Variants in RANBP17 observed in about 807,000 individuals in gnomAD.
The protein encoded by RANBP17 is RAN binding protein 17.
RANBP17 carries 158 observed loss-of-function variants against 141.2 expected under a neutral mutation model. The ratio of observed to expected loss-of-function variants is 1.12; its 90% CI spans 0.98 to 1.28. The LOEUF (loss-of-function observed/expected upper bound fraction) is 1.28, where lower values mean the gene tolerates loss of function less well. Ranked by LOEUF, RANBP17 falls within the 50% of genes most tolerant of loss-of-function variation. The probability of loss-of-function intolerance (pLI) is 0.00; values close to 1 mark genes in which losing one functional copy is unlikely to be tolerated. For missense variants in RANBP17, 1,438 were observed against 1,290.7 expected, an observed-to-expected ratio of 1.11 and a Z score of -1.75; for synonymous variants, 430 against 450.0, an observed-to-expected ratio of 0.96 and a Z score of 0.56.
At chr5:170,939,539 G>A (rs896409199) in intron 12 of RANBP17, among the ~76,000 whole-genome samples, 8 of 151,958 alleles carry the variant, frequency 5.3e-5, no homozygotes, top group African/African-American at 1.9e-4. Flanking sequence ...CATGCACCAT[G>A]CCGGGCTAAA....
At chr5:170,874,801 T>C (rs1178069852) in intron 1 of RANBP17, among the ~76,000 whole-genome samples, 1 of 152,154 alleles carries the variant, frequency 6.6e-6, no homozygotes. Context: ...TCTGTGTCTT[T>C]TTATTGGGGC....
chr5:171,054,348 T>C (rs1783200176), intron 14 of RANBP17, among the ~76,000 whole-genome samples: 1 of 152,160 alleles, frequency 6.6e-6, no homozygotes, highest in Non-Finnish European at 1.5e-5. Flanking sequence ...TATTATATGC[T>C]AAACAAGGGA....
intron 3 of RANBP17, among the ~76,000 whole-genome samples, chr5:170,885,716 G>T (rs1473260658): frequency 6.6e-6 from 1 of 152,076 alleles, no homozygotes; most frequent in Non-Finnish European, 1.5e-5. Context: ...AATAAGTGTT[G>T]TTTTGTCCTC....
At position 171,199,670 on chromosome 5, in the gene RANBP17, G is replaced by A; in HGVS notation, c.2039G>A (p.Gly680Asp). 1 of 1,596,838 alleles carries A rather than the reference G, an allele frequency of 6.3e-7. No individual in the cohort carries two copies. Among genetic ancestry groups the A allele is most frequent in the Non-Finnish European group, 8.6e-7 (1 of 1,166,020 alleles). ...AGTGACCCTTTTGTTTCTCTGATAG[G>A]TGAAGATGAGGATGAATTTGAGAAT... Reference protein sequence around the residue: ...ALTRLLMVDLGEDEDEFENFM... With the variant: ...ALTRLLMVDLDEDEDEFENFM... The change falls in exon 19 of 28, where the codon GGT becomes GAT. Residue 680 changes from glycine (G) to aspartate (D), a missense_variant and splice_region_variant. Gly to Asp is a moderately conservative substitution (Grantham distance 94, BLOSUM62 -1). Coordinates refer to ENST00000523189, the MANE Select transcript of RANBP17 (RefSeq NM_022897.5).
Position 171,293,898 on chromosome 5 carries a change from A to C in RANBP17, c.2959A>C (p.Met987Leu), listed in dbSNP as rs1253587684. The part of the protein sequence containing the change: ...DVLQQMMSVL[M>L]NTIVFEDCRN... ...TATCTTCTAGATGATGTCTGTCCTCATGAACACCATTGTCTTTGAAGACTG... is the reference window on the plus strand; with the variant it reads ...TATCTTCTAGATGATGTCTGTCCTCCTGAACACCATTGTCTTTGAAGACTG... The change falls in exon 26 of 28, where the codon ATG becomes CTG. Residue 987 changes from methionine (M) to leucine (L), a missense_variant. Transcript: ENST00000523189. 6.2e-7 allele frequency: 1 copy of C among 1,613,320 alleles called. No individual in the cohort carries two copies. Among genetic ancestry groups the C allele is most frequent in the Non-Finnish European group, 8.5e-7 (1 of 1,179,382 alleles).
chr5:170,946,399 A>G (rs1774765173), intron 12 of RANBP17, among the ~76,000 whole-genome samples: 1 of 152,164 alleles, frequency 6.6e-6, no homozygotes, highest in South Asian at 2.1e-4. Flanking sequence ...TCATGCTTGC[A>G]ATGTTTTAGA....
chr5:170,954,072 G>A (rs1775416140), intron 13 of RANBP17, among the ~76,000 whole-genome samples: 1 of 152,078 alleles, frequency 6.6e-6, no homozygotes, highest in South Asian at 2.1e-4. Context: ...CGCAGGTTTT[G>A]TCACCTATTG....
chr5:171,120,707 A>G (rs1054591423), intron 14 of RANBP17, among the ~76,000 whole-genome samples: 13 of 152,148 alleles, frequency 8.5e-5, no homozygotes, highest in Admixed American at 7.2e-4. Context: ...GGCATTTCAT[A>G]TATTTCCTTG....
chr5:170,867,517 T>G (rs1016977561), intron 1 of RANBP17, among the ~76,000 whole-genome samples: 24 of 152,020 alleles, frequency 1.6e-4, no homozygotes, highest in African/African-American at 5.8e-4. Flanking sequence ...CAGGAAAAGG[T>G]AGTAAGAGGA....
At chr5:170,963,402 A>G (rs186861868) in intron 13 of RANBP17, among the ~76,000 whole-genome samples, 58 of 152,360 alleles carry the variant, frequency 3.8e-4, no homozygotes, top group African/African-American at 1.3e-3. Context: ...CCTTGCTATT[A>G]TGCAAAATCC....
chr5:171,206,784 T>C (rs1762604760), intron 20 of RANBP17: 2 of 178,946 alleles, frequency 1.1e-5, no homozygotes, highest in Non-Finnish European at 2.4e-5. Context: ...TACTGACATA[T>C]CTTTAATTAT....
intron 14 of RANBP17, among the ~76,000 whole-genome samples, chr5:171,150,958 A>G (rs1048387293): frequency 3.9e-5 from 6 of 152,232 alleles, no homozygotes; most frequent in Admixed American, 3.9e-4. Context: ...GTTTTTCAAA[A>G]ATGCTTTTAC....
intron 22 of RANBP17, among the ~76,000 whole-genome samples, chr5:171,233,611 G>A (rs1200605): frequency 0.84 from 128,471 of 152,218 alleles, 54,301 homozygotes; most frequent in East Asian, 1. Flanking sequence ...AGGAACTGCA[G>A]TCCTCTTACT....
At chr5:171,215,676 C>T (rs1300224403) in intron 21 of RANBP17, among the ~76,000 whole-genome samples, 1 of 151,970 alleles carries the variant, frequency 6.6e-6, no homozygotes. Context: ...TTTTTTTTCA[C>T]ATACTTGTTG....
At chr5:171,157,342 AC>A (rs1178461373) in intron 14 of RANBP17, among the ~76,000 whole-genome samples, 1 of 152,212 alleles carries the variant, frequency 6.6e-6, no homozygotes, top group Admixed American at 6.5e-5. Flanking sequence ...TAAGTTTTAC[AC>A]CCGGCAAGAT....
In RANBP17 at chr5:170,892,373, T is replaced by C. The variant is rs1581069280; in HGVS notation, c.257-14T>C. ...TGAAAAGTCCAGATGACCCATGGAG[T>C]GTTTTCTTTGTAGGAAACTACATTC... On this transcript the variant is annotated splice_polypyrimidine_tract_variant and intron_variant, in intron 3 of 27. Transcript: ENST00000523189. 3.9e-6 allele frequency: 6 copies of C among 1,548,154 alleles called. No homozygotes were observed. The East Asian group carries it at 9.9e-5, about 26-fold the overall frequency.
At chr5:170,977,917 G>A (rs188094695) in intron 14 of RANBP17, among the ~76,000 whole-genome samples, 4 of 152,116 alleles carry the variant, frequency 2.6e-5, no homozygotes, top group East Asian at 1.9e-4. Context: ...ATTGATTGTG[G>A]TGATGGCTGC....
chr5:171,268,645 G>C (rs116528035), intron 25 of RANBP17, among the ~76,000 whole-genome samples: 21 of 151,422 alleles, frequency 1.4e-4, no homozygotes, highest in African/African-American at 4.6e-4. Context: ...CTGACTTAAA[G>C]CATGTCCACA....
At chr5:171,196,357 A>C (rs1405546436) in intron 18 of RANBP17, among the ~76,000 whole-genome samples, 3 of 152,174 alleles carry the variant, frequency 2.0e-5, no homozygotes, top group Non-Finnish European at 1.5e-5. Flanking sequence ...GTTTGCCTTA[A>C]AATTTGAATG....
Sources: gnomAD v4.1 joint callset for allele counts (sites outside exome capture counted in the v4.1 genomes callset) on GRCh38, gnomAD v4.1.1 for gene constraint, MANE v1.5 for transcripts, NCBI Gene and HGNC (gene_info 2026-07-23, HGNC 2026-07-21) for gene names.